The following SLCO6A1 variants were observed in gnomAD, a reference collection of about 807,000 sequenced individuals.
SLCO6A1 encodes the protein cancer/testis antigen 48.
In SLCO6A1, 65 loss-of-function variants were observed where a neutral mutation model predicts 72.7. The ratio of observed to expected loss-of-function variants is 0.89; its 90% CI spans 0.73 to 1.10. The LOEUF (loss-of-function observed/expected upper bound fraction) is 1.10, where lower values mean the gene tolerates loss of function less well. Among genes scored for constraint, SLCO6A1 ranks in the 50% least tolerant of loss-of-function variants. SLCO6A1 has a pLI of 0.00. For synonymous variants in SLCO6A1, 314 were observed against 298.2 expected (o/e 1.05, Z -0.55); for missense variants, 874 against 872.6 (o/e 1.00, Z -0.02).
chr5:102,455,884 G>C (rs1056240607), intron 6 of SLCO6A1, among the ~76,000 whole-genome samples: 1 of 152,162 alleles, frequency 6.6e-6, no homozygotes, highest in African/African-American at 2.4e-5. Flanking sequence ...GAATCCATTA[G>C]CACATCAAAA....
chr5:102,480,521 G>GAT, intron 1 of SLCO6A1, 87 bp from the exon 2 acceptor site: 1 of 1,250,512 alleles, frequency 8.0e-7, no homozygotes, highest in South Asian at 1.5e-5. Context: ...TAAATTACAT[G>GAT]ATGTAAGTTT....
Position 102,399,713 on chromosome 5 carries a change from T to G in SLCO6A1, c.1656A>C (p.Glu552Asp). ...KMYYNCSCIKEGLITADAEGD... is the reference protein window; with the variant it reads ...KMYYNCSCIKDGLITADAEGD... The stretch of plus-strand genomic sequence containing the variant: ...CTTCTGCATCTGCAGTTATTAATCC[T>G]TCTTTAATGCAAGAACAATTGTAGT... The change falls in exon 10 of 14, where the codon GAA becomes GAC. Residue 552 changes from glutamate to aspartate, a missense_variant. Coordinates refer to ENST00000506729, the MANE Select transcript of SLCO6A1 (RefSeq NM_173488.5). 6.3e-7 allele frequency: 1 copy of G among 1,580,342 alleles called. No individual in the cohort carries two copies. Among genetic ancestry groups the G allele is most frequent in the Non-Finnish European group, 8.6e-7 (1 of 1,159,698 alleles).
At chr5:102,431,597 T>G (rs1350586141) in intron 7 of SLCO6A1, among the ~76,000 whole-genome samples, 1 of 152,134 alleles carries the variant, frequency 6.6e-6, no homozygotes, top group East Asian at 1.9e-4. Context: ...TCCAAGAGAG[T>G]GGTTGGTATG....
intron 6 of SLCO6A1, among the ~76,000 whole-genome samples, chr5:102,443,406 G>C (rs1366620148): frequency 6.6e-6 from 1 of 152,050 alleles, no homozygotes; most frequent in Non-Finnish European, 1.5e-5. Flanking sequence ...AAGTTGTGTT[G>C]TTTGAGTTTC....
intron 7 of SLCO6A1, among the ~76,000 whole-genome samples, chr5:102,434,904 G>GA (rs1406848367): frequency 6.6e-6 from 1 of 151,542 alleles, no homozygotes; most frequent in Non-Finnish European, 1.5e-5. Flanking sequence ...AGTGTAAAAA[G>GA]AAAAAAAATT....
At position 102,475,735 on chromosome 5, in the gene SLCO6A1, T is replaced by C; in HGVS notation, c.861A>G (p.Pro287=). The change falls in exon 4 of 14, where the codon CCA becomes CCG. Residue 287 remains proline (P), a synonymous_variant. Transcript: ENST00000506729. ...GYALGYVLGA[P]LVKVPENTTS... The stretch of plus-strand genomic sequence containing the variant: ...TAGTATTCTCAGGGACTTTAACTAG[T>C]GGTGCTCCTAGCACATAACCCAGAG... The C allele has an allele frequency of 1.2e-6, 2 of 1,608,228 alleles. No homozygotes were observed. The highest frequency in any genetic ancestry group is 1.7e-6 in the Non-Finnish European group (2 of 1,176,992).
intron 1 of SLCO6A1, among the ~76,000 whole-genome samples, chr5:102,490,683 G>A (rs1014768325): frequency 3.9e-5 from 6 of 152,126 alleles, no homozygotes; most frequent in African/African-American, 1.2e-4. Context: ...CCTGGCTCAG[G>A]AGCAAAGCTG....
chr5:102,402,473 T>C (rs959452863), intron 9 of SLCO6A1, among the ~76,000 whole-genome samples: 3 of 152,138 alleles, frequency 2.0e-5, no homozygotes, highest in Admixed American at 2.0e-4. Context: ...AAAGTACTAA[T>C]GAGTGTCTTA....
chr5:102,483,596 T>C (rs1239623629), intron 1 of SLCO6A1, among the ~76,000 whole-genome samples: 2 of 152,216 alleles, frequency 1.3e-5, no homozygotes, highest in Non-Finnish European at 2.9e-5. Flanking sequence ...ATGTTAATCA[T>C]TCTGGGAAGG....
chr5:102,450,986 C>G (rs1392166868), intron 6 of SLCO6A1, among the ~76,000 whole-genome samples: 7 of 152,136 alleles, frequency 4.6e-5, no homozygotes, highest in African/African-American at 1.4e-4. Context: ...GAATTTCCTT[C>G]CCAGAGAAAT....
intron 6 of SLCO6A1, among the ~76,000 whole-genome samples, chr5:102,450,215 T>C (rs139722677): frequency 1.3e-5 from 2 of 152,252 alleles, no homozygotes; most frequent in South Asian, 2.1e-4. Flanking sequence ...GCTTTTAGAG[T>C]TGCCAGGCTT....
At chr5:102,496,301 CCTT>C (rs570711955) in intron 1 of SLCO6A1, among the ~76,000 whole-genome samples, 73 of 152,128 alleles carry the variant, frequency 4.8e-4, no homozygotes, top group African/African-American at 1.7e-3. Context: ...CCTTTGTATC[CCTT>C]CTTTATGTTT....
rs1283289577 is a variant in SLCO6A1 at position 102,498,896 on chromosome 5, C to T, written c.-52G>A. On this transcript the variant is annotated 5_prime_UTR_variant, in exon 1 of 14. Coordinates refer to ENST00000506729, the MANE Select transcript of SLCO6A1 (RefSeq NM_173488.5). ...CGCGGCCCGAGTGCTCTCGGCTGCC[C>T]GTCCTGCCTGGGCCAACCCAAAGGC... The T allele has an allele frequency of 3.3e-6, 5 of 1,524,422 alleles. No individual in the cohort carries two copies. Among genetic ancestry groups the T allele is most frequent in the Middle Eastern group, 2.2e-4 (1 of 4,624 alleles). The allele number at this position is 1,524,422 out of a possible 1,614,324, so 94.4% of individuals were successfully genotyped here.
At chr5:102,419,732 C>T in intron 8 of SLCO6A1, 94 bp downstream of exon 8, 1 of 988,200 alleles carries the variant, frequency 1.0e-6, no homozygotes. Flanking sequence ...ATTATATGAA[C>T]ATATAAGGGT....
In SLCO6A1 at chr5:102,399,585, G is replaced by A; in HGVS notation, c.1784C>T (p.Ser595Phe). 1 of 1,579,078 alleles carries A rather than the reference G, an allele frequency of 6.3e-7. No homozygotes were observed. The highest frequency in any genetic ancestry group is 8.6e-7 in the Non-Finnish European group (1 of 1,159,596). The change falls in exon 10 of 14, where the codon TCT (serine) becomes TTT (phenylalanine). Residue 595 changes from serine to phenylalanine, a missense_variant. By Grantham distance (155) the Ser-to-Phe change is radical. Coordinates refer to ENST00000506729, the MANE Select transcript of SLCO6A1 (RefSeq NM_173488.5). ...CATGGCCAAGACGATTGGTACACCA[G>A]AAAAACCAGAAAATATAAGTGTAGA... Reference protein sequence around the residue: ...IFSTLIFSGFSGVPIVLAMTR... With the variant: ...IFSTLIFSGFFGVPIVLAMTR...
intron 1 of SLCO6A1, among the ~76,000 whole-genome samples, chr5:102,490,350 T>C (rs1453382655): frequency 6.6e-6 from 1 of 152,224 alleles, no homozygotes. Context: ...AAATACTACA[T>C]TTTATCCCAT....
chr5:102,406,325 TATC>T (rs1295676442), intron 9 of SLCO6A1, among the ~76,000 whole-genome samples: 1 of 152,012 alleles, frequency 6.6e-6, no homozygotes, highest in Non-Finnish European at 1.5e-5. Context: ...AATGATTTAA[TATC>T]ATGCAAAATA....
In SLCO6A1 at chr5:102,443,022, C is replaced by T. The variant is rs138919186; in HGVS notation, c.1132-4261G>A. On this transcript the variant is annotated intron_variant, in intron 6 of 13. Transcript: ENST00000506729. The stretch of plus-strand genomic sequence containing the variant: ...ACCATTCTGGCTAACATGGTGAAAC[C>T]CTATCTCTACTAAAAACACAAAAAA... 8.3e-3 allele frequency among the ~76,000 whole-genome samples: 1,259 copies of T among 152,178 alleles called. 12 individuals carry two copies. Among genetic ancestry groups the T allele is most frequent in the Non-Finnish European group, 0.015 (1,010 of 67,998 alleles).
intron 6 of SLCO6A1, among the ~76,000 whole-genome samples, chr5:102,449,613 C>A (rs896208419): frequency 1.3e-5 from 2 of 152,116 alleles, no homozygotes; most frequent in African/African-American, 4.8e-5. Context: ...GTCTTGATCT[C>A]CTGACCTCGT....
Sources: allele counts gnomAD v4.1 joint callset (sites outside exome capture counted in the v4.1 genomes callset), GRCh38; gene constraint gnomAD v4.1.1; transcripts MANE v1.5; gene names NCBI Gene and HGNC (gene_info 2026-07-23, HGNC 2026-07-21).